SWT1: variants seen among roughly 807,000 people sequenced by gnomAD.
SWT1 encodes the protein transcriptional protein SWT1.
A neutral mutation model predicts 107.3 loss-of-function variants in SWT1; 33 were observed. That is an observed-to-expected ratio of 0.31 (90% CI 0.23 to 0.41). The LOEUF (loss-of-function observed/expected upper bound fraction) is 0.41, where lower values mean the gene tolerates loss of function less well. Among genes scored for constraint, SWT1 ranks in the 10% least tolerant of loss-of-function variants. The pLI is 1.00. For synonymous variants in SWT1, 345 were observed against 348.3 expected (o/e 0.99, Z 0.11); for missense variants, 898 against 1,028.9 (o/e 0.87, Z 1.74).
At chr1:185,221,715 T>C (rs901292431) in intron 14 of SWT1, 134 bp from the exon 15 acceptor site, 3 of 575,680 alleles carry the variant, frequency 5.2e-6, no homozygotes, top group African/African-American at 1.9e-5. Context: ...GGGAATATTA[T>C]GTACATAATA....
In SWT1 at chr1:185,199,141, T is replaced by A. The variant is rs375060312; in HGVS notation, c.1524-3513T>A. On this transcript the variant is annotated intron_variant, in intron 10 of 18. Coordinates refer to ENST00000367500, the MANE Select transcript of SWT1 (RefSeq NM_017673.7). ...TTAGTAGAGACGGTATTTCACCATC[T>A]TGGTCAGGCTGGTCTGGAACTCCTG... is the stretch of plus-strand genomic sequence containing the variant. Among the ~76,000 whole-genome samples, 15 of 152,198 alleles carry A rather than the reference T, an allele frequency of 9.9e-5. 1 individual carries two copies. Among genetic ancestry groups the A allele is most frequent in the African/African-American group, 3.6e-4 (15 of 41,546 alleles).
intron 10 of SWT1, among the ~76,000 whole-genome samples, chr1:185,196,345 A>G (rs1156629057): frequency 1.3e-5 from 2 of 152,080 alleles, no homozygotes; most frequent in Admixed American, 1.3e-4. Context: ...ATTGGTCTAT[A>G]TCTCTGTTTT....
At position 185,180,495 on chromosome 1, in the gene SWT1, G is replaced by A. The variant is rs1558018111; in HGVS notation, c.1026+45G>A. ...ACTTTGATATTTTTAATGAAATTAAGTCAGTTCCTACTTTTAATAAAAAAT... is the reference window on the plus strand; with the variant it reads ...ACTTTGATATTTTTAATGAAATTAAATCAGTTCCTACTTTTAATAAAAAAT... On this transcript the variant is annotated intron_variant, in intron 6 of 18. Transcript: ENST00000367500. 5.8e-6 allele frequency: 8 copies of A among 1,368,876 alleles called. No individual in the cohort carries two copies. The South Asian group carries it at 9.3e-5, about 16-fold the overall frequency. 84.8% of individuals were successfully genotyped at this position (1,368,876 alleles called of 1,614,324 possible).
chr1:185,265,064 T>G (rs952200118), intron 16 of SWT1, among the ~76,000 whole-genome samples: 1 of 152,128 alleles, frequency 6.6e-6, no homozygotes, highest in African/African-American at 2.4e-5. Context: ...AATAAAAGAT[T>G]TCTAGTATTC....
intron 18 of SWT1, among the ~76,000 whole-genome samples, chr1:185,282,122 A>G (rs1027010071): frequency 7.9e-5 from 12 of 152,224 alleles, no homozygotes; most frequent in African/African-American, 2.9e-4. Flanking sequence ...TTACCTGTAA[A>G]ACCAGGAGTT....
intron 9 of SWT1, among the ~76,000 whole-genome samples, chr1:185,186,551 A>C (rs1656479986): frequency 6.6e-6 from 1 of 152,152 alleles, no homozygotes; most frequent in Admixed American, 6.5e-5. Flanking sequence ...CTATAGCCAC[A>C]GGAGGGGACA....
At position 185,206,706 on chromosome 1, in the gene SWT1, GT is replaced by G; in HGVS notation, c.1917del (p.Met640TrpfsTer7). 6.2e-7 allele frequency: 1 copy of G among 1,608,862 alleles called. No homozygotes were observed. The highest frequency in any genetic ancestry group is 8.5e-7 in the Non-Finnish European group (1 of 1,176,798). Reference sequence around the variant, plus strand: ...ACATTGGTTGGCTGTATTTGGATTAGTTATGGAAAAGAACTTGCTTTTAACT... The same window carrying G: ...ACATTGGTTGGCTGTATTTGGATTAGTATGGAAAAGAACTTGCTTTTAACT... ...KKHWLAVFGL[V>X]MEKNLLLTIE... On this transcript the variant is annotated frameshift_variant, in exon 13 of 19. Coordinates refer to ENST00000367500, the MANE Select transcript of SWT1 (RefSeq NM_017673.7). LOFTEE classifies it high-confidence loss of function.
chr1:185,175,937 A>C lies in SWT1; in HGVS notation c.966+824A>C, dbSNP rs540878839. 5.3e-5 allele frequency among the ~76,000 whole-genome samples: 8 copies of C among 152,352 alleles called. No individual in the cohort carries two copies. In the East Asian group the frequency reaches 1.5e-3, roughly 29 times the overall value. On this transcript the variant is annotated intron_variant, in intron 5 of 18. Coordinates refer to ENST00000367500, the MANE Select transcript of SWT1 (RefSeq NM_017673.7). ...ATAATACCTATCACTTAATAAGAGA[A>C]TACACAGCAGGGGATTAATATAGCT...
At chr1:185,174,345 A>G (rs1175542879) in intron 4 of SWT1, 27 bp from the exon 5 acceptor site, 2 of 1,501,820 alleles carry the variant, frequency 1.3e-6, no homozygotes, top group Admixed American at 2.5e-5. Flanking sequence ...ATTATAATGT[A>G]ACCTAGGTTT....
At chr1:185,168,316 G>A (rs768283394) in intron 3 of SWT1, 24 bp from the exon 4 acceptor site, 1 of 709,258 alleles carries the variant, frequency 1.4e-6, no homozygotes, top group East Asian at 5.2e-5. Flanking sequence ...CACAATTTAT[G>A]TGTCCTTTTT....
chr1:185,206,579 G>T, intron 12 of SWT1, 46 bp from the exon 13 acceptor site: 1 of 1,185,132 alleles, frequency 8.4e-7, no homozygotes, highest in South Asian at 2.5e-5. Flanking sequence ...TTAATAATTG[G>T]AATAATAAAT....
chr1:185,257,948 G>C (rs1302408533), intron 16 of SWT1: 2 of 152,066 alleles, frequency 1.3e-5, no homozygotes, highest in Admixed American at 1.3e-4. Flanking sequence ...AGTGGAGAAA[G>C]AACAAAGAAA....
chr1:185,226,873 T>A, intron 15 of SWT1: 1 of 1,517,242 alleles, frequency 6.6e-7, no homozygotes, highest in Non-Finnish European at 8.9e-7. Context: ...CGATCTTTCT[T>A]CTGAGCAATG....
rs1408192283 is a variant in SWT1, at chr1:185,231,508, A to C, written c.2310-69A>C. On this transcript the variant is annotated intron_variant, in intron 15 of 18. Transcript: ENST00000367500. The stretch of plus-strand genomic sequence containing the variant: ...ATACTACTTTACTTTATACATTTGC[A>C]GCTGAAATACTTGAATTACATTAAA... 3 of 1,105,418 alleles carry C rather than the reference A, an allele frequency of 2.7e-6. No homozygotes were observed. In the Admixed American group the frequency reaches 6.2e-5, roughly 23 times the overall value. 68.5% of individuals were successfully genotyped at this position (1,105,418 alleles called of 1,614,324 possible).
At chr1:185,163,529 G>A (rs1276543016) in intron 2 of SWT1, among the ~76,000 whole-genome samples, 1 of 151,882 alleles carries the variant, frequency 6.6e-6, no homozygotes, top group East Asian at 1.9e-4. Context: ...AAGTAGATGG[G>A]ACTACAGGCA....
At chr1:185,188,010 A>G (rs995372627) in intron 9 of SWT1, among the ~76,000 whole-genome samples, 6 of 152,190 alleles carry the variant, frequency 3.9e-5, no homozygotes, top group African/African-American at 1.4e-4. Flanking sequence ...ATCTTAAGTA[A>G]TAAATACATG....
Position 185,291,654 on chromosome 1 carries a change from A to AT in SWT1, c.*857dup, listed in dbSNP as rs975807282. ...ATTTGGTATTCTATTATAAATGTTT[A>AT]TTTTTTAAAGCAATAAATAACTTAT... is the stretch of plus-strand genomic sequence containing the variant. On this transcript the variant is annotated 3_prime_UTR_variant, in exon 19 of 19. Transcript: ENST00000367500. 6.6e-6 allele frequency: 1 copy of AT among 152,588 alleles called. No homozygotes were observed. Among genetic ancestry groups the AT allele is most frequent in the Admixed American group, 6.5e-5 (1 of 15,278 alleles). 9.5% of individuals were successfully genotyped at this position (152,588 alleles called of 1,614,324 possible). A position where few individuals can be genotyped will look rare whatever the true frequency, so the allele number is the denominator to read the frequency against.
intron 4 of SWT1, among the ~76,000 whole-genome samples, chr1:185,173,664 G>A (rs186591206): frequency 1.9e-3 from 291 of 151,932 alleles, no homozygotes; most frequent in African/African-American, 6.6e-3. Context: ...AGCCAAGATC[G>A]CGCCACTGCA....
intron 2 of SWT1, 105 bp downstream of exon 2, chr1:185,161,030 T>C: frequency 1.2e-6 from 1 of 850,578 alleles, no homozygotes; most frequent in Non-Finnish European, 1.8e-6. Context: ...TATTTTGTTC[T>C]GCTCAGCCGA....
Sources: allele counts gnomAD v4.1 joint callset (sites outside exome capture counted in the v4.1 genomes callset), GRCh38; gene constraint gnomAD v4.1.1; transcripts MANE v1.5; gene names NCBI Gene and HGNC (gene_info 2026-07-23, HGNC 2026-07-21).